The following DCBLD1 variants were observed in gnomAD, a reference collection of about 807,000 sequenced individuals.
DCBLD1 encodes discoidin, CUB and LCCL domain containing 1.
A neutral mutation model predicts 71.5 loss-of-function variants in DCBLD1; 57 were observed. The ratio of observed to expected loss-of-function variants is 0.80; its 90% CI spans 0.64 to 0.99. The LOEUF (loss-of-function observed/expected upper bound fraction) is 0.99. DCBLD1 is among the 50% of genes least tolerant of loss of function. The pLI is 0.00. For missense variants in DCBLD1, 891 were observed against 923.5 expected (o/e 0.96, Z 0.46); for synonymous variants, 380 against 363.8 (o/e 1.04, Z -0.51).
chr6:117,559,737 C>A (rs1583044047), intron 14 of DCBLD1, among the ~76,000 whole-genome samples: 2 of 151,782 alleles, frequency 1.3e-5, no homozygotes, highest in South Asian at 4.1e-4. Flanking sequence ...ATAAAACCAC[C>A]TAAAATAAAA....
chr6:117,533,377 A>T (rs1189963654), intron 6 of DCBLD1, among the ~76,000 whole-genome samples: 1 of 152,176 alleles, frequency 6.6e-6, no homozygotes, highest in Non-Finnish European at 1.5e-5. Flanking sequence ...ATCAGAAGGA[A>T]CATGGTCGTA....
chr6:117,526,492 T>C (rs1024226654), intron 5 of DCBLD1, among the ~76,000 whole-genome samples: 1 of 152,234 alleles, frequency 6.6e-6, no homozygotes, highest in African/African-American at 2.4e-5. Flanking sequence ...GTAAGAATTA[T>C]GTACAATAAG....
At chr6:117,510,360 G>GACACAC (rs35676008) in intron 2 of DCBLD1, among the ~76,000 whole-genome samples, 3 of 146,836 alleles carry the variant, frequency 2.0e-5, no homozygotes, top group Non-Finnish European at 3.0e-5. Context: ...CACAGACACA[G>GACACAC]ACACACACAC....
At chr6:117,509,498 A>G (rs1777945841) in intron 2 of DCBLD1, among the ~76,000 whole-genome samples, 1 of 152,190 alleles carries the variant, frequency 6.6e-6, no homozygotes, top group Non-Finnish European at 1.5e-5. Context: ...GCACACTTAT[A>G]TATGACTTTA....
At chr6:117,524,190 T>G (rs1192607310) in intron 4 of DCBLD1, among the ~76,000 whole-genome samples, 3 of 151,934 alleles carry the variant, frequency 2.0e-5, no homozygotes, top group Admixed American at 2.0e-4. Flanking sequence ...GTTAAGTAAA[T>G]TGAATCCTAA....
rs1762616057 is a variant in DCBLD1, at chr6:117,540,971, A to G, written c.1303A>G (p.Lys435Glu). ...AAGTCAAAGCACCAGTGTTTCAACTAAGAAAGAAGATGAGACAATCACAAG... is the reference window on the plus strand; with the variant it reads ...AAGTCAAAGCACCAGTGTTTCAACTGAGAAAGAAGATGAGACAATCACAAG... ...KTSQSTSVST[K>E]KEDETITRPI... is the part of the protein sequence containing the mutation. Residue 435 changes from lysine (K) to glutamate (E), a missense_variant, in exon 11 of 15, where the codon AAG (lysine) becomes GAG (glutamate). Transcript: ENST00000338728. 6.2e-7 allele frequency: 1 copy of G among 1,614,100 alleles called. No individual in the cohort carries two copies. Among genetic ancestry groups the G allele is most frequent in the African/African-American group, 1.3e-5 (1 of 74,928 alleles).
At chr6:117,511,388 G>A (rs2114456272) in intron 2 of DCBLD1, among the ~76,000 whole-genome samples, 1 of 152,316 alleles carries the variant, frequency 6.6e-6, no homozygotes, top group East Asian at 1.9e-4. Flanking sequence ...GGATCCTAAT[G>A]GAAGTTAAAT....
chr6:117,486,550 GT>G (rs944893585), intron 1 of DCBLD1, among the ~76,000 whole-genome samples: 1 of 152,104 alleles, frequency 6.6e-6, no homozygotes, highest in Non-Finnish European at 1.5e-5. Context: ...TAGCTGTTTG[GT>G]TTTTTTGCTA....
chr6:117,538,428 T>A (rs1441145244), intron 7 of DCBLD1, among the ~76,000 whole-genome samples, 192 bp from the exon 8 acceptor site: 1 of 152,106 alleles, frequency 6.6e-6, no homozygotes, highest in East Asian at 1.9e-4. Flanking sequence ...GCAATAACAG[T>A]TTCAAGGCAT....
intron 13 of DCBLD1, 113 bp from the exon 14 acceptor site, chr6:117,545,365 C>A: frequency 1.4e-6 from 2 of 1,418,056 alleles, no homozygotes; most frequent in South Asian, 2.6e-5. Flanking sequence ...GGACATTGAT[C>A]ACTGTCAGCT....
chr6:117,484,096 C>G (rs1490768941), intron 1 of DCBLD1, among the ~76,000 whole-genome samples: 1 of 152,142 alleles, frequency 6.6e-6, no homozygotes. Flanking sequence ...ATGCGTAGGA[C>G]TTTTATAATG....
intron 9 of DCBLD1, 122 bp downstream of exon 9, chr6:117,539,501 C>A: frequency 8.6e-7 from 1 of 1,160,380 alleles, no homozygotes; most frequent in Non-Finnish European, 1.2e-6. Flanking sequence ...CATGGTGGTT[C>A]ATGCCTGTAA....
Position 117,500,778 on chromosome 6 carries a change from G to A in DCBLD1, c.113-2989G>A, listed in dbSNP as rs181390678. On this transcript the variant is annotated intron_variant, in intron 1 of 14. Coordinates refer to ENST00000338728, the MANE Select transcript of DCBLD1 (RefSeq NM_001366458.2). ...CTCGGGAGGCTGAGGCAGGAGAATC[G>A]CTTGAACCCAGGAGGCAGAGGCTGC... 7.2e-4 allele frequency among the ~76,000 whole-genome samples: 109 copies of A among 152,240 alleles called. 1 individual carries two copies. Among genetic ancestry groups the A allele is most frequent in the African/African-American group, 2.0e-3 (84 of 41,558 alleles).
chr6:117,555,963 C>T (rs1187734792), intron 14 of DCBLD1, among the ~76,000 whole-genome samples: 1 of 152,146 alleles, frequency 6.6e-6, no homozygotes, highest in African/African-American at 2.4e-5. Context: ...ACTTAACTAG[C>T]TGTGTGACCC....
chr6:117,525,225 C>G, intron 4 of DCBLD1, 137 bp from the exon 5 acceptor site: 1 of 492,194 alleles, frequency 2.0e-6, no homozygotes, highest in Non-Finnish European at 3.1e-6. Flanking sequence ...TGTATTTTCA[C>G]AAATCAGGTT....
At chr6:117,554,389 T>TC (rs1224290570), downstream of DCBLD1, among the ~76,000 whole-genome samples, 18 of 152,276 alleles carry the variant, frequency 1.2e-4, no homozygotes, top group East Asian at 2.9e-3. Flanking sequence ...TTCCTTTTTT[T>TC]CCCCCTCACA....
intron 1 of DCBLD1, among the ~76,000 whole-genome samples, chr6:117,501,473 A>G (rs893917871): frequency 6.6e-5 from 10 of 152,250 alleles, no homozygotes; most frequent in African/African-American, 2.4e-4. Context: ...AGCTGAGATT[A>G]CAGGCTCGCG....
At chr6:117,510,763 T>C (rs145137006) in intron 2 of DCBLD1, among the ~76,000 whole-genome samples, 2 of 152,308 alleles carry the variant, frequency 1.3e-5, no homozygotes, top group African/African-American at 4.8e-5. Context: ...AAGATTCCTC[T>C]ATAAACATTC....
At chr6:117,514,192 A>G (rs963784788) in intron 2 of DCBLD1, among the ~76,000 whole-genome samples, 6 of 152,212 alleles carry the variant, frequency 3.9e-5, no homozygotes, top group African/African-American at 1.4e-4. Flanking sequence ...GAGACAGGCA[A>G]TAATTTGGAT....
Sources: allele counts gnomAD v4.1 joint callset (sites outside exome capture counted in the v4.1 genomes callset), GRCh38; gene constraint gnomAD v4.1.1; transcripts MANE v1.5; gene names NCBI Gene and HGNC (gene_info 2026-07-23, HGNC 2026-07-21).